The following TMEM106C variants were observed in gnomAD, a reference collection of about 807,000 sequenced individuals.
TMEM106C encodes endoplasmic reticulum membrane protein overexpressed in cancer.
TMEM106C carries 27 observed loss-of-function variants against 30.8 expected under a neutral mutation model. The ratio of observed to expected loss-of-function variants is 0.88; its 90% CI spans 0.65 to 1.21. TMEM106C has a LOEUF of 1.21. Among genes scored for constraint, TMEM106C ranks in the 50% most tolerant of loss-of-function variants. The probability of loss-of-function intolerance (pLI) is 0.00; values close to 1 mark genes in which losing one functional copy is unlikely to be tolerated. For missense variants in TMEM106C, 288 were observed against 307.8 expected, an observed-to-expected ratio of 0.94 and a Z score of 0.48; for synonymous variants, 123 against 118.8, an observed-to-expected ratio of 1.04 and a Z score of -0.23.
intron 6 of TMEM106C, 103 bp from the exon 7 acceptor site, chr12:47,967,105 A>AG (rs755348489): frequency 8.3e-7 from 1 of 1,207,806 alleles, no homozygotes; most frequent in Non-Finnish European, 1.2e-6. Flanking sequence ...TTAGGTCGGA[A>AG]GGGGGAGGGG....
At position 47,964,201 on chromosome 12, in the gene TMEM106C, C is replaced by CAA. The variant is rs761194028; in HGVS notation, c.-28-7_-28-6insAA. On this transcript the variant is annotated splice_polypyrimidine_tract_variant and splice_region_variant and intron_variant, in intron 1 of 7. Transcript: ENST00000429772. ...GCCGCTAACGTGCACTCCCTCTTTT[C>CAA]ATCTTAGGACATGACACCAGTGGCA... 151 of 1,601,284 alleles carry CAA rather than the reference C, an allele frequency of 9.4e-5. 1 individual carries two copies. The highest frequency in any genetic ancestry group is 1.3e-4 in the Non-Finnish European group (147 of 1,172,714).
chr12:47,964,675 C>T (rs1191448856), intron 2 of TMEM106C: 1 of 508,228 alleles, frequency 2.0e-6, no homozygotes, highest in South Asian at 2.1e-5. Context: ...TCAGTTCGCT[C>T]TGTGTTGTGG....
rs775367917 is a variant in TMEM106C, at chr12:47,968,111, T to G, written c.657-22T>G. On this transcript the variant is annotated intron_variant, in intron 7 of 7. Transcript: ENST00000429772. ...TTCATCCCCCAAACATAATTAATTC[T>G]TCTTGGTTTTCTTTTCCCTAGAACT... The G allele has an allele frequency of 6.3e-6, 10 of 1,592,584 alleles. No individual in the cohort carries two copies. In the East Asian group the frequency reaches 2.2e-4, roughly 36 times the overall value.
At chr12:47,967,072 G>A (rs1938252237) in intron 6 of TMEM106C, 136 bp from the exon 7 acceptor site, 21 of 863,284 alleles carry the variant, frequency 2.4e-5, no homozygotes, top group Non-Finnish European at 4.0e-5. Flanking sequence ...CAGGGACTGA[G>A]AGCTGACAAG....
At chr12:47,967,092 C>T (rs1190786825) in intron 6 of TMEM106C, 116 bp from the exon 7 acceptor site, 3 of 1,022,690 alleles carry the variant, frequency 2.9e-6, no homozygotes, top group Admixed American at 1.8e-5. Context: ...GCCTTGGCAG[C>T]ACTTAGGTCG....
At position 47,968,629 on chromosome 12, in the gene TMEM106C, G is replaced by T. The variant is rs6823; in HGVS notation, c.*400G>T. 6.9e-6 allele frequency: 2 copies of T among 288,654 alleles called. No individual in the cohort carries two copies. The highest frequency in any genetic ancestry group is 1.4e-5 in the Non-Finnish European group (2 of 146,944). The allele number at this position is 288,654 out of a possible 1,614,324, so 17.9% of individuals were successfully genotyped here. On this transcript the variant is annotated 3_prime_UTR_variant, in exon 8 of 8. Transcript: ENST00000429772. ...ATCAGTGCCTCATCTGTGCAGAAGT[G>T]GCAGCAGAGAGGGACCATCCAAATA...
chr12:47,966,085 G>A lies in TMEM106C; in HGVS notation c.412-4G>A, dbSNP rs1363764281. On this transcript the variant is annotated splice_region_variant and splice_polypyrimidine_tract_variant and intron_variant, in intron 4 of 7. Transcript: ENST00000429772. Reference sequence around the variant, plus strand: ...CACTTGTTTCCTGACTTGCCCTGATGTAGGCCACCCTGAAAATCAGGAACT... The same window carrying A: ...CACTTGTTTCCTGACTTGCCCTGATATAGGCCACCCTGAAAATCAGGAACT... The A allele has an allele frequency of 6.2e-7, 1 of 1,614,096 alleles. No homozygotes were observed. Among genetic ancestry groups the A allele is most frequent in the Non-Finnish European group, 8.5e-7 (1 of 1,180,056 alleles).
chr12:47,964,371 G>A lies in TMEM106C; in HGVS notation c.135G>A (p.Gly45=). The change falls in exon 2 of 8, where the codon GGG becomes GGA. Residue 45 remains glycine, a synonymous_variant. Coordinates refer to ENST00000429772, the MANE Select transcript of TMEM106C (RefSeq NM_001143842.2). Reference sequence around the variant, plus strand: ...AGTTCCCATATGTGGAATTCACCGGGAGAGATAGCATCACCTGTCTCACGT... The same window carrying A: ...AGTTCCCATATGTGGAATTCACCGGAAGAGATAGCATCACCTGTCTCACGT... ...IAQFPYVEFT[G]RDSITCLTCQ... 1.9e-6 allele frequency: 3 copies of A among 1,614,180 alleles called. No individual in the cohort carries two copies. The highest frequency in any genetic ancestry group is 2.5e-6 in the Non-Finnish European group (3 of 1,180,032).
Position 47,966,084 on chromosome 12 carries a change from T to A in TMEM106C, c.412-5T>A. The A allele has an allele frequency of 6.2e-7, 1 of 1,614,260 alleles. No homozygotes were observed. The highest frequency in any genetic ancestry group is 8.5e-7 in the Non-Finnish European group (1 of 1,180,046). On this transcript the variant is annotated splice_region_variant and splice_polypyrimidine_tract_variant and intron_variant, in intron 4 of 7. Transcript: ENST00000429772. ...ACACTTGTTTCCTGACTTGCCCTGA[T>A]GTAGGCCACCCTGAAAATCAGGAAC...
At chr12:47,965,255 C>T (rs1256075912) in intron 2 of TMEM106C, 27 bp from the exon 3 acceptor site, 3 of 1,607,448 alleles carry the variant, frequency 1.9e-6, no homozygotes, top group African/African-American at 2.7e-5. Flanking sequence ...ATGGGATTTA[C>T]AAAATAATTG....
At chr12:47,965,074 A>G (rs1004327026) in intron 2 of TMEM106C, among the ~76,000 whole-genome samples, 5 of 152,170 alleles carry the variant, frequency 3.3e-5, no homozygotes, top group Admixed American at 6.5e-5. Flanking sequence ...CAACTTCCAC[A>G]TCACTACCCT....
At chr12:47,967,609 C>T (rs756343410) in intron 7 of TMEM106C, among the ~76,000 whole-genome samples, 1 of 152,196 alleles carries the variant, frequency 6.6e-6, no homozygotes, top group Non-Finnish European at 1.5e-5. Context: ...TCTAGCCACA[C>T]AAATTACCAC....
rs141659039 is a variant in TMEM106C, at chr12:47,966,753, G to C, written c.602+21G>C. ...GTGTAGTAAGGACACTGTTCTCTCT[G>C]TGTGTGCTCTCTACTGGAGGAAAGG... On this transcript the variant is annotated intron_variant, in intron 6 of 7. Coordinates refer to ENST00000429772, the MANE Select transcript of TMEM106C (RefSeq NM_001143842.2). The C allele has an allele frequency of 3.9e-4, 628 of 1,613,730 alleles. 6 individuals carry two copies. In the African/African-American group the frequency reaches 7.0e-3, roughly 18 times the overall value.
chr12:47,966,318 T>C (rs1938223772), intron 5 of TMEM106C, 89 bp downstream of exon 5: 2 of 1,467,024 alleles, frequency 1.4e-6, no homozygotes, highest in Admixed American at 3.9e-5. Flanking sequence ...ACTTTCCTTT[T>C]TGTCTCCTCA....
Position 47,967,249 on chromosome 12 carries a change from T to C in TMEM106C, c.644T>C (p.Val215Ala). Residue 215 changes from valine (V) to alanine (A), a missense_variant, in exon 7 of 8, where the codon GTG (valine) becomes GCG (alanine). By Grantham distance (64) the Val-to-Ala change is moderately conservative. Coordinates refer to ENST00000429772, the MANE Select transcript of TMEM106C (RefSeq NM_001143842.2). ...CCTGAGATCCTGGTGCACAACATAG[T>C]GATCTTCATGCGGTGCGTCTCTCTT... is the stretch of plus-strand genomic sequence containing the variant. ...TVPEILVHNI[V>A]IFMRTSVKIS... 1 of 1,614,184 alleles carries C rather than the reference T, an allele frequency of 6.2e-7. No individual in the cohort carries two copies. Among genetic ancestry groups the C allele is most frequent in the South Asian group, 1.1e-5 (1 of 91,078 alleles).
Position 47,965,355 on chromosome 12 carries a change from C to T in TMEM106C, c.251+10C>T. 3 of 1,612,792 alleles carry T rather than the reference C, an allele frequency of 1.9e-6. No individual in the cohort carries two copies. The highest frequency in any genetic ancestry group is 1.1e-5 in the South Asian group (1 of 90,990). On this transcript the variant is annotated intron_variant, in intron 3 of 7. Transcript: ENST00000429772. ...TGCGCCCTCAGCGAACGTGAGTTAC[C>T]TGCTTCTCACCTGTTAATACCTACT... is the stretch of plus-strand genomic sequence containing the variant.
intron 6 of TMEM106C, 41 bp downstream of exon 6, chr12:47,966,773 G>A (rs754701576): frequency 3.1e-6 from 5 of 1,609,560 alleles, no homozygotes; most frequent in Non-Finnish European, 4.3e-6. Context: ...TCTACTGGAG[G>A]AAAGGGATTC....
In TMEM106C at chr12:47,964,294, G is replaced by A. The variant is rs1235990464; in HGVS notation, c.58G>A (p.Asp20Asn). 1.9e-6 allele frequency: 3 copies of A among 1,614,148 alleles called. No homozygotes were observed. Among genetic ancestry groups the A allele is most frequent in the Admixed American group, 1.7e-5 (1 of 60,018 alleles). ...CTCCTCCTGCAGGCGAAAGCAAGAAGATGACAGGGACGGTTTGCTGGCTGA... is the reference window on the plus strand; with the variant it reads ...CTCCTCCTGCAGGCGAAAGCAAGAAAATGACAGGGACGGTTTGCTGGCTGA... The part of the protein sequence containing the change: ...RPSSCRRKQE[D>N]DRDGLLAERE... The change falls in exon 2 of 8, where the codon GAT (aspartate) becomes AAT (asparagine). Residue 20 changes from aspartate (D) to asparagine (N), a missense_variant. By Grantham distance (23) the Asp-to-Asn change is conservative. Transcript: ENST00000429772.
intron 7 of TMEM106C, 95 bp from the exon 8 acceptor site, chr12:47,968,038 T>C: frequency 1.2e-6 from 1 of 861,100 alleles, no homozygotes; most frequent in Non-Finnish European, 1.9e-6. Context: ...CCGTGGGTAT[T>C]GTTCTCTGAA....
Sources: gnomAD v4.1 joint callset for allele counts (sites outside exome capture counted in the v4.1 genomes callset) on GRCh38, gnomAD v4.1.1 for gene constraint, MANE v1.5 for transcripts, NCBI Gene and HGNC (gene_info 2026-07-23, HGNC 2026-07-21) for gene names.